RTL4: variants seen among roughly 807,000 people sequenced by gnomAD.
RTL4 encodes retrotransposon Gag-like protein 4.
A neutral mutation model predicts 5.3 loss-of-function variants in RTL4; 4 were observed. That is an observed-to-expected ratio of 0.75 (90% CI 0.37 to 1.72). RTL4 has a LOEUF of 1.72. Ranked by LOEUF, RTL4 falls within the 40% of genes most tolerant of loss-of-function variation. The probability of loss-of-function intolerance (pLI) is 0.04; values close to 1 mark genes in which losing one functional copy is unlikely to be tolerated. For synonymous variants in RTL4, 98 were observed against 87.3 expected, an observed-to-expected ratio of 1.12 and a Z score of -0.68; for missense variants, 260 against 227.1, an observed-to-expected ratio of 1.14 and a Z score of -0.93.
the RTL4 span, among the ~76,000 whole-genome samples, chrX:112,372,360 T>A: frequency 8.9e-6 from 1 of 111,865 alleles, no homozygotes; most frequent in East Asian, 2.8e-4. Flanking sequence ...ACACAGTTAA[T>A]TAATCACTTC....
the RTL4 span, among the ~76,000 whole-genome samples, chrX:112,394,620 T>C: frequency 8.9e-6 from 1 of 112,070 alleles, no homozygotes; most frequent in African/African-American, 3.2e-5. Flanking sequence ...ATTAGTTTCA[T>C]GCAAGCCAAT....
chrX:112,119,995 TC>T, the RTL4 span, among the ~76,000 whole-genome samples: 2 of 112,308 alleles, frequency 1.8e-5, no homozygotes, highest in Non-Finnish European at 3.8e-5. Flanking sequence ...TAACATGTTT[TC>T]ATAGCATTTC....
the RTL4 span, among the ~76,000 whole-genome samples, chrX:112,276,060 G>A: frequency 9.0e-6 from 1 of 111,663 alleles, no homozygotes; most frequent in Non-Finnish European, 1.9e-5. Context: ...TTTTTCAGAA[G>A]GTCTTTAAGG....
the RTL4 span, among the ~76,000 whole-genome samples, chrX:112,376,582 T>C: frequency 8.9e-6 from 1 of 112,463 alleles, no homozygotes. Context: ...GTAAGGGTAC[T>C]AGTCACTATC....
the RTL4 span, among the ~76,000 whole-genome samples, chrX:112,346,704 G>A: frequency 1.8e-5 from 2 of 111,288 alleles, no homozygotes; most frequent in Non-Finnish European, 3.8e-5. Context: ...GGTATGCTGC[G>A]AGGAGGCCAT....
chrX:112,211,247 G>A, the RTL4 span, among the ~76,000 whole-genome samples: 5 of 112,000 alleles, frequency 4.5e-5, no homozygotes, highest in Non-Finnish European at 9.4e-5. Flanking sequence ...TCATAGCAGA[G>A]CCACAGAGGA....
chrX:112,215,136 C>T, the RTL4 span, among the ~76,000 whole-genome samples: 2 of 110,900 alleles, frequency 1.8e-5, no homozygotes, highest in Non-Finnish European at 3.8e-5. Flanking sequence ...TTATATTATT[C>T]GATATATAAC....
the RTL4 span, among the ~76,000 whole-genome samples, chrX:112,152,002 A>C: frequency 1.8e-5 from 2 of 111,969 alleles, no homozygotes; most frequent in Non-Finnish European, 3.8e-5. Context: ...GGGCAGTTCT[A>C]TCTGTCAGAT....
the RTL4 span, among the ~76,000 whole-genome samples, chrX:112,299,800 C>T: frequency 9.0e-6 from 1 of 111,602 alleles, no homozygotes; most frequent in Non-Finnish European, 1.9e-5. Context: ...TAACTTGCTC[C>T]TGACTTTCCC....
chrX:112,168,981 CCTTT>C, the RTL4 span, among the ~76,000 whole-genome samples: 434 of 72,493 alleles, frequency 6.0e-3, 2 homozygotes, highest in South Asian at 0.02. Context: ...TTCTTTCTTT[CCTTT>C]CTTTCTTTCC....
the RTL4 span, among the ~76,000 whole-genome samples, chrX:112,334,219 T>C: frequency 1.8e-5 from 2 of 112,020 alleles, no homozygotes; most frequent in Admixed American, 9.5e-5. Context: ...GACACTTAAG[T>C]TGCTTCAAAT....
chrX:112,131,820 T>A, the RTL4 span, among the ~76,000 whole-genome samples: 3 of 110,756 alleles, frequency 2.7e-5, no homozygotes, highest in Non-Finnish European at 5.7e-5. Context: ...GAGAAATAAA[T>A]AGAGGGAATA....
At chrX:112,250,964 TATA>T in the RTL4 span, among the ~76,000 whole-genome samples, 1 of 111,997 alleles carries the variant, frequency 8.9e-6, no homozygotes, top group African/African-American at 3.2e-5. Flanking sequence ...TTGGCAAAAA[TATA>T]ATGATGATGA....
the RTL4 span, among the ~76,000 whole-genome samples, chrX:112,225,415 T>C: frequency 1.8e-5 from 2 of 112,155 alleles, no homozygotes; most frequent in African/African-American, 6.5e-5. Context: ...CCAACTTCTT[T>C]ATAACCCAAG....
chrX:112,139,730 G>C, the RTL4 span, among the ~76,000 whole-genome samples: 128 of 111,726 alleles, frequency 1.1e-3, no homozygotes, highest in Admixed American at 2.2e-3. Context: ...ATATGGTTTG[G>C]CTCTGTGCCC....
the RTL4 span, among the ~76,000 whole-genome samples, chrX:112,403,191 G>T: frequency 4.3e-4 from 48 of 111,452 alleles, no homozygotes; most frequent in East Asian, 5.7e-3. Context: ...AATGCTCACA[G>T]TTTGGCCCTT....
At chrX:112,160,511 G>A in the RTL4 span, among the ~76,000 whole-genome samples, 4 of 112,152 alleles carry the variant, frequency 3.6e-5, no homozygotes, top group East Asian at 2.8e-4. Context: ...CTCCAAAAGC[G>A]TATATATGTG....
chrX:112,157,293 T>C, the RTL4 span, among the ~76,000 whole-genome samples: 2 of 111,549 alleles, frequency 1.8e-5, no homozygotes, highest in Non-Finnish European at 3.8e-5. Flanking sequence ...CTTTATTTCT[T>C]AGGGCCTCAA....
the RTL4 span, among the ~76,000 whole-genome samples, chrX:112,361,401 AC>A: frequency 9.0e-6 from 1 of 110,960 alleles, no homozygotes; most frequent in Non-Finnish European, 1.9e-5. Flanking sequence ...AATCTTACCC[AC>A]GGGGATAGAT....
Sources: allele counts gnomAD v4.1 joint callset (sites outside exome capture counted in the v4.1 genomes callset), GRCh38; gene constraint gnomAD v4.1.1; transcripts MANE v1.5; gene names NCBI Gene and HGNC (gene_info 2026-07-23, HGNC 2026-07-21).